TSHZ2: variants seen among roughly 807,000 people sequenced by gnomAD.
The protein encoded by TSHZ2 is teashirt homolog 2.
A neutral mutation model predicts 74.4 loss-of-function variants in TSHZ2; 21 were observed. That is an observed-to-expected ratio of 0.28 (90% CI 0.20 to 0.41). The LOEUF (loss-of-function observed/expected upper bound fraction) is 0.41. Ranked by LOEUF, TSHZ2 falls within the 10% of genes least tolerant of loss-of-function variation. The probability of loss-of-function intolerance (pLI) is 1.00; values close to 1 mark genes in which losing one functional copy is unlikely to be tolerated. For missense variants in TSHZ2, 1,244 were observed against 1,293.5 expected (o/e 0.96, Z 0.59); for synonymous variants, 540 against 515.3 (o/e 1.05, Z -0.65).
At chr20:53,419,500 G>T (rs1383927404) in intron 2 of TSHZ2, among the ~76,000 whole-genome samples, 1 of 152,164 alleles carries the variant, frequency 6.6e-6, no homozygotes, top group Non-Finnish European at 1.5e-5. Flanking sequence ...GCCCTAAGTG[G>T]AGGGTCCATT....
Position 53,023,903 on chromosome 20 carries a change from T to C in TSHZ2, c.40+50570T>C, listed in dbSNP as rs185539975. On this transcript the variant is annotated intron_variant, in intron 1 of 2. Coordinates refer to ENST00000371497, the MANE Select transcript of TSHZ2 (RefSeq NM_173485.6). Reference sequence around the variant, plus strand: ...GTGTAGGGAATCTGACTTGAGCGTTTTCCTGAGTGCCCTCTGTTTGCACCA... The same window carrying C: ...GTGTAGGGAATCTGACTTGAGCGTTCTCCTGAGTGCCCTCTGTTTGCACCA... Among the ~76,000 whole-genome samples, 11 of 152,122 alleles carry C rather than the reference T, an allele frequency of 7.2e-5. No individual in the cohort carries two copies. The East Asian group carries it at 2.1e-3, about 30-fold the overall frequency.
intron 1 of TSHZ2, among the ~76,000 whole-genome samples, chr20:53,246,704 A>C (rs1459295790): frequency 1.3e-5 from 2 of 152,208 alleles, no homozygotes; most frequent in African/African-American, 4.8e-5. Context: ...AAACAGATGA[A>C]CCACAAAGGG....
At chr20:53,426,753 T>C (rs1173865797) in intron 2 of TSHZ2, among the ~76,000 whole-genome samples, 1 of 152,152 alleles carries the variant, frequency 6.6e-6, no homozygotes, top group African/African-American at 2.4e-5. Flanking sequence ...GAAAGAAATG[T>C]CCTGGAAGGA....
intron 2 of TSHZ2, among the ~76,000 whole-genome samples, chr20:53,471,079 T>C (rs1167561332): frequency 2.0e-5 from 3 of 152,234 alleles, no homozygotes; most frequent in African/African-American, 7.2e-5. Context: ...AATTATTCTT[T>C]GAACTTGAAA....
At chr20:53,293,990 C>T (rs1991330625) in intron 2 of TSHZ2, among the ~76,000 whole-genome samples, 2 of 152,090 alleles carry the variant, frequency 1.3e-5, no homozygotes, top group African/African-American at 4.8e-5. Context: ...TGCACTCCAG[C>T]CTGGCGACAG....
Position 53,050,152 on chromosome 20 carries a change from T to TAC in TSHZ2, c.40+76823_40+76824dup, listed in dbSNP as rs1555819341. 1.2e-3 allele frequency among the ~76,000 whole-genome samples: 99 copies of TAC among 83,262 alleles called. 2 individuals are homozygous for TAC. In the East Asian group the frequency reaches 0.026, roughly 22 times the overall value. 54.6% of individuals were successfully genotyped at this position (83,262 alleles called of 152,430 possible). ...ACATATATATATGTGTATATATATA[T>TAC]ACACATATATATGTACATATATACA... On this transcript the variant is annotated intron_variant, in intron 1 of 2. Transcript: ENST00000371497.
chr20:52,987,863 T>C (rs1207499644), intron 1 of TSHZ2, among the ~76,000 whole-genome samples: 2 of 152,042 alleles, frequency 1.3e-5, no homozygotes. Flanking sequence ...GCAAAAGGGA[T>C]CTCTCAGACT....
At chr20:53,486,296 T>C (rs1986288399) in intron 2 of TSHZ2, among the ~76,000 whole-genome samples, 1 of 152,236 alleles carries the variant, frequency 6.6e-6, no homozygotes, top group East Asian at 1.9e-4. Flanking sequence ...CACTCATCCG[T>C]TGGACACTTG....
intron 1 of TSHZ2, among the ~76,000 whole-genome samples, chr20:53,216,452 A>G (rs1413235663): frequency 6.6e-6 from 1 of 152,248 alleles, no homozygotes; most frequent in Non-Finnish European, 1.5e-5. Flanking sequence ...AGAGCACTGA[A>G]GGCCACAAAT....
intron 2 of TSHZ2, among the ~76,000 whole-genome samples, chr20:53,403,243 T>A (rs1416716713): frequency 3.9e-5 from 6 of 152,186 alleles, no homozygotes; most frequent in Admixed American, 3.9e-4. Context: ...TCATTCCTTT[T>A]TATGGCTGCA....
At chr20:53,125,586 C>A (rs1360137578) in intron 1 of TSHZ2, among the ~76,000 whole-genome samples, 2 of 152,142 alleles carry the variant, frequency 1.3e-5, no homozygotes, top group African/African-American at 2.4e-5. Flanking sequence ...TACGTTCCTG[C>A]AGGGGTTCTT....
chr20:53,469,876 GAAAAAAAAGAGAGA>G (rs1215766857), intron 2 of TSHZ2, among the ~76,000 whole-genome samples: 1 of 134,948 alleles, frequency 7.4e-6, no homozygotes, highest in Non-Finnish European at 1.6e-5. Flanking sequence ...ACCCAAGAAA[GAAAAAAAAGAGAGA>G]GAGGAAAGGA....
intron 2 of TSHZ2, among the ~76,000 whole-genome samples, chr20:53,266,772 ATTTTTT>A (rs11344692): frequency 1.0e-5 from 1 of 98,758 alleles, no homozygotes; most frequent in Non-Finnish European, 1.9e-5. Context: ...CCGATCGACG[ATTTTTT>A]TTTTTTTTTT....
chr20:53,414,336 C>T (rs895746883), intron 2 of TSHZ2, among the ~76,000 whole-genome samples: 2 of 151,922 alleles, frequency 1.3e-5, no homozygotes, highest in Non-Finnish European at 2.9e-5. Flanking sequence ...TAAGCCAGTA[C>T]TGGCTCAACA....
chr20:53,370,539 T>C (rs546823623), intron 2 of TSHZ2, among the ~76,000 whole-genome samples: 3 of 152,266 alleles, frequency 2.0e-5, no homozygotes, highest in East Asian at 3.9e-4. Context: ...GGCAGACGGA[T>C]AGATTGAGCC....
At chr20:53,174,196 G>A (rs1988269668) in intron 1 of TSHZ2, among the ~76,000 whole-genome samples, 1 of 152,208 alleles carries the variant, frequency 6.6e-6, no homozygotes. Context: ...GTTAGAGCTA[G>A]GATAGGGTTG....
intron 1 of TSHZ2, among the ~76,000 whole-genome samples, chr20:52,987,158 A>G (rs887135790): frequency 6.6e-6 from 1 of 152,098 alleles, no homozygotes; most frequent in African/African-American, 2.4e-5. Flanking sequence ...GTCTTTACTC[A>G]CCCCCAAAAT....
chr20:53,202,563 C>A (rs1192467103), intron 1 of TSHZ2, among the ~76,000 whole-genome samples: 3 of 152,106 alleles, frequency 2.0e-5, no homozygotes, highest in Admixed American at 2.0e-4. Context: ...ATCTTCCCAG[C>A]AACTTTAAGA....
chr20:53,044,468 T>G (rs1201139578), intron 1 of TSHZ2, among the ~76,000 whole-genome samples: 1 of 152,166 alleles, frequency 6.6e-6, no homozygotes, highest in African/African-American at 2.4e-5. Context: ...GTAAAATCTG[T>G]CATGGTCCTT....
Sources: allele counts gnomAD v4.1 joint callset (sites outside exome capture counted in the v4.1 genomes callset), GRCh38; gene constraint gnomAD v4.1.1; transcripts MANE v1.5; gene names NCBI Gene and HGNC (gene_info 2026-07-23, HGNC 2026-07-21).